Variants in SATB1 observed in about 807,000 individuals in gnomAD.
SATB1 encodes the protein DNA-binding protein SATB1.
A neutral mutation model predicts 86.9 loss-of-function variants in SATB1; 11 were observed. The ratio of observed to expected loss-of-function variants is 0.13; its 90% CI spans 0.08 to 0.21. SATB1 has a LOEUF of 0.21. Among genes scored for constraint, SATB1 ranks in the 10% least tolerant of loss-of-function variants. The probability of loss-of-function intolerance (pLI) is 1.00; values close to 1 mark genes in which losing one functional copy is unlikely to be tolerated. For missense variants in SATB1, 551 were observed against 937.6 expected (o/e 0.59, Z 5.39); for synonymous variants, 357 against 357.2 (o/e 1.00, Z 0.01).
At chr3:18,432,631 T>G (rs1698923557) in intron 2 of SATB1, among the ~76,000 whole-genome samples, 1 of 152,060 alleles carries the variant, frequency 6.6e-6, no homozygotes, top group African/African-American at 2.4e-5. Flanking sequence ...GAAGGAGAAA[T>G]TAAATTCAAA....
intron 5 of SATB1, among the ~76,000 whole-genome samples, chr3:18,398,703 T>C (rs1363794897): frequency 1.3e-5 from 2 of 152,204 alleles, no homozygotes; most frequent in African/African-American, 4.8e-5. Context: ...CACAGCTATC[T>C]TTCCTAAGAG....
intron 1 of SATB1, chr3:18,445,161 G>A (rs1682417835): frequency 1.1e-6 from 1 of 917,170 alleles, no homozygotes; most frequent in African/African-American, 1.8e-5. Flanking sequence ...GGCGCGGGCT[G>A]GCCAGCGGGG....
intron 8 of SATB1, among the ~76,000 whole-genome samples, chr3:18,381,050 T>C (rs1696030746): frequency 6.6e-6 from 1 of 152,198 alleles, no homozygotes; most frequent in African/African-American, 2.4e-5. Context: ...GGTGTACTAC[T>C]CCATTATTAA....
In SATB1 at chr3:18,346,556, C is replaced by T. The variant is rs1694064332; in HGVS notation, c.*2614G>A. On this transcript the variant is annotated 3_prime_UTR_variant, in exon 11 of 11. Transcript: ENST00000338745. The stretch of plus-strand genomic sequence containing the variant: ...TGAAAACAATTTTGCTCACTCCATC[C>T]TATCAGTTTATTAACATGTGCTTGT... The T allele has an allele frequency of 6.7e-6, 1 of 148,328 alleles. No individual in the cohort carries two copies. The highest frequency in any genetic ancestry group is 2.5e-5 in the African/African-American group (1 of 40,306). 9.2% of individuals were successfully genotyped at this position (148,328 alleles called of 1,614,324 possible). A position where few individuals can be genotyped will look rare whatever the true frequency, so the allele number is the denominator to read the frequency against.
chr3:18,409,524 C>G (rs1474956460), intron 5 of SATB1: 4 of 152,028 alleles, frequency 2.6e-5, no homozygotes, highest in Non-Finnish European at 5.9e-5. Context: ...ATTCACACAA[C>G]TACCCATATA....
upstream of SATB1, among the ~76,000 whole-genome samples, chr3:18,441,878 C>T (rs944820201): frequency 1.3e-5 from 2 of 152,108 alleles, no homozygotes; most frequent in African/African-American, 2.4e-5. Context: ...CTTATTTAAT[C>T]ACAGGTTCAT....
At chr3:18,358,437 A>G (rs1036501078) in intron 9 of SATB1, among the ~76,000 whole-genome samples, 1 of 152,020 alleles carries the variant, frequency 6.6e-6, no homozygotes, top group African/African-American at 2.4e-5. Context: ...GAAATGCATT[A>G]ATCTTTCTCT....
At chr3:18,353,273 T>G (rs1391186530) in intron 9 of SATB1, among the ~76,000 whole-genome samples, 1 of 152,186 alleles carries the variant, frequency 6.6e-6, no homozygotes, top group East Asian at 1.9e-4. Flanking sequence ...ATGGACAACT[T>G]ACTCTACCCT....
At position 18,352,347 on chromosome 3, in the gene SATB1, G is replaced by C. The variant is rs1370906024; in HGVS notation, c.1576-152C>G. On this transcript the variant is annotated intron_variant, in intron 9 of 10. Transcript: ENST00000338745. The surrounding 1 kb of genome is among the most constrained non-coding windows in gnomAD (Gnocchi z 4.1). ...TTAAAAATTGTTTTTAACTTGTTAA[G>C]AGAGGTTATCTGTGGCTGTCAAGGA... 9 of 644,020 alleles carry C rather than the reference G, an allele frequency of 1.4e-5. No homozygotes were observed. Among genetic ancestry groups the C allele is most frequent in the Non-Finnish European group, 2.1e-5 (8 of 377,226 alleles). 39.9% of individuals were successfully genotyped at this position (644,020 alleles called of 1,614,324 possible).
At chr3:18,395,014 G>C in intron 6 of SATB1, 98 bp from the exon 7 acceptor site, 2 of 939,222 alleles carry the variant, frequency 2.1e-6, no homozygotes, top group Non-Finnish European at 3.1e-6. Flanking sequence ...GTAGGCACAG[G>C]GCACACCCCA....
intron 5 of SATB1, among the ~76,000 whole-genome samples, chr3:18,398,058 T>C (rs765867469): frequency 2.0e-5 from 3 of 152,190 alleles, no homozygotes; most frequent in Non-Finnish European, 4.4e-5. Flanking sequence ...TTTATACATT[T>C]CATGCTTCTA....
intron 7 of SATB1, among the ~76,000 whole-genome samples, chr3:18,388,479 A>G (rs1696459044): frequency 6.6e-6 from 1 of 152,186 alleles, no homozygotes; most frequent in East Asian, 1.9e-4. Flanking sequence ...TAAACACAAT[A>G]TGCTACAAAT....
rs191170507 is a variant in SATB1 at position 18,408,771 on chromosome 3, A to G, written c.639+6340T>C. 7.9e-5 allele frequency: 12 copies of G among 151,944 alleles called. No homozygotes were observed. The East Asian group carries it at 2.3e-3, about 30-fold the overall frequency. The allele number at this position is 151,944 out of a possible 1,614,324, so 9.4% of individuals were successfully genotyped here. Reference sequence around the variant, plus strand: ...AGATCTATAAAGCAAATCCAGATAGAGCCCAACTTCAAGTTTAACTAGTAA... The same window carrying G: ...AGATCTATAAAGCAAATCCAGATAGGGCCCAACTTCAAGTTTAACTAGTAA... On this transcript the variant is annotated intron_variant, in intron 5 of 10. Coordinates refer to ENST00000338745, the MANE Select transcript of SATB1 (RefSeq NM_002971.6).
At chr3:18,357,406 TCAA>T (rs1174413942) in intron 9 of SATB1, among the ~76,000 whole-genome samples, 2 of 151,884 alleles carry the variant, frequency 1.3e-5, no homozygotes, top group Non-Finnish European at 2.9e-5. Flanking sequence ...GAGTACATTT[TCAA>T]CAACAACTAA....
exon 2 of SATB1, chr3:18,436,858 C>T (rs903629919): frequency 9.2e-5 from 14 of 152,046 alleles, no homozygotes; most frequent in African/African-American, 3.1e-4. Context: ...AGCCATATTA[C>T]GAGGTTACAA....
intron 7 of SATB1, among the ~76,000 whole-genome samples, chr3:18,393,457 G>A (rs1025381470): frequency 1.3e-5 from 2 of 152,116 alleles, no homozygotes; most frequent in Non-Finnish European, 2.9e-5. Context: ...CAGTTCAACA[G>A]AGTCAATTTG....
intron 5 of SATB1, among the ~76,000 whole-genome samples, chr3:18,404,584 G>A (rs1697427476): frequency 6.6e-6 from 1 of 151,912 alleles, no homozygotes; most frequent in East Asian, 1.9e-4. Context: ...TCCTAAAGAT[G>A]AAAATGTGAT....
chr3:18,391,280 T>G (rs1435617943), intron 7 of SATB1, among the ~76,000 whole-genome samples: 2 of 152,118 alleles, frequency 1.3e-5, no homozygotes, highest in African/African-American at 4.8e-5. Context: ...CATACAAGTG[T>G]TTTCTATCAT....
rs1697008335 is a variant in SATB1, at chr3:18,397,167, T to G, written c.751+12A>C. ...GGTATGTAGCCACTGCTGCAATGTT[T>G]TTTTTGCTTACCCATCATATCTTTT... On this transcript the variant is annotated intron_variant, in intron 6 of 10. Transcript: ENST00000338745. 1 of 1,454,364 alleles carries G rather than the reference T, an allele frequency of 6.9e-7. No homozygotes were observed. The highest frequency in any genetic ancestry group is 2.3e-5 in the East Asian group (1 of 44,114). 90.1% of individuals were successfully genotyped at this position (1,454,364 alleles called of 1,614,324 possible).
Sources: gnomAD v4.1 joint callset for allele counts (sites outside exome capture counted in the v4.1 genomes callset) on GRCh38, gnomAD v4.1.1 for gene constraint, Gnocchi (gnomAD v3.1) non-coding constraint, MANE v1.5 for transcripts, NCBI Gene and HGNC (gene_info 2026-07-23, HGNC 2026-07-21) for gene names.